Variants in TMEM132E observed in about 807,000 individuals in gnomAD.
TMEM132E encodes the protein transmembrane protein 132E.
In TMEM132E, 49 loss-of-function variants were observed where a neutral mutation model predicts 78.5. The observed-to-expected ratio is 0.62, with a 90% CI of 0.50 to 0.79. TMEM132E has a LOEUF of 0.79. TMEM132E is among the 30% of genes least tolerant of loss of function. The probability of loss-of-function intolerance (pLI) is 0.00; values close to 1 mark genes in which losing one functional copy is unlikely to be tolerated. For synonymous variants in TMEM132E, 715 were observed against 670.6 expected, an observed-to-expected ratio of 1.07 and a Z score of -1.02; for missense variants, 1,403 against 1,470.9, an observed-to-expected ratio of 0.95 and a Z score of 0.75.
At position 34,636,210 on chromosome 17, in the gene TMEM132E, C is replaced by T. The variant is rs1907517918; in HGVS notation, c.2169+12C>T. The T allele has an allele frequency of 1.4e-6, 2 of 1,460,026 alleles. No individual in the cohort carries two copies. Among genetic ancestry groups the T allele is most frequent in the African/African-American group, 1.5e-5 (1 of 68,602 alleles). The allele number at this position is 1,460,026 out of a possible 1,614,324, so 90.4% of individuals were successfully genotyped here. ...GCTTCCTCAAGCAGGTAACTGGCTC[C>T]TTGGCCCACCAGCCAGGGAGTTGGT... On this transcript the variant is annotated intron_variant, in intron 8 of 8. Coordinates refer to ENST00000631683, the MANE Select transcript of TMEM132E (RefSeq NM_001304438.2).
intron 8 of TMEM132E, 68 bp from the exon 9 acceptor site, chr17:34,637,109 A>G: frequency 1.4e-6 from 2 of 1,422,346 alleles, no homozygotes; most frequent in Non-Finnish European, 1.9e-6. Context: ...TACAGAGCCC[A>G]GGATCTAGCA....
chr17:34,629,233 A>C (rs1412108368), intron 4 of TMEM132E, 29 bp downstream of exon 4: 4 of 1,609,212 alleles, frequency 2.5e-6, no homozygotes. Context: ...AGCCCAGAAG[A>C]TGCCTGGGTC....
At chr17:34,611,284 T>C (rs1037773789) in intron 1 of TMEM132E, among the ~76,000 whole-genome samples, 3 of 152,040 alleles carry the variant, frequency 2.0e-5, no homozygotes, top group Non-Finnish European at 4.4e-5. Context: ...AAGGAAACAC[T>C]TGTGGAAAAG....
chr17:34,594,258 C>A (rs1284630460), intron 1 of TMEM132E, among the ~76,000 whole-genome samples: 2 of 152,304 alleles, frequency 1.3e-5, no homozygotes, highest in East Asian at 1.9e-4. Flanking sequence ...AATGAATGAA[C>A]CTGGGAGCCT....
intron 1 of TMEM132E, among the ~76,000 whole-genome samples, chr17:34,601,046 C>T (rs908387618): frequency 1.2e-4 from 19 of 152,212 alleles, no homozygotes; most frequent in Non-Finnish European, 2.1e-4. Context: ...GCCTTCCTGC[C>T]TTCTCACAGT....
rs1453389888 is a variant in TMEM132E at position 34,638,578 on chromosome 17, G to A, written c.*346G>A. On this transcript the variant is annotated 3_prime_UTR_variant, in exon 9 of 9. Transcript: ENST00000631683. ...AAGGAGGTCCAGCTTGGGGTCAGGT[G>A]GGCCCACGCTGTGTCCCGGGCCCGC... 4 of 238,500 alleles carry A rather than the reference G, an allele frequency of 1.7e-5. No individual in the cohort carries two copies. The highest frequency in any genetic ancestry group is 1.6e-5 in the Non-Finnish European group (2 of 123,716). 14.8% of individuals were successfully genotyped at this position (238,500 alleles called of 1,614,324 possible).
rs753387690 is a variant in TMEM132E, at chr17:34,636,164, C to T, written c.2135C>T (p.Thr712Ile). ...AGCAGCCACACCATCCTAGCCACCACAGCTGCCCAACAGACCTTGAGCTTC... is the reference window on the plus strand; with the variant it reads ...AGCAGCCACACCATCCTAGCCACCATAGCTGCCCAACAGACCTTGAGCTTC... ...PGSSHTILAT[T>I]AAQQTLSFLK... The change falls in exon 8 of 9, where the codon ACA (threonine) becomes ATA (isoleucine). Residue 712 changes from threonine (T) to isoleucine (I), a missense_variant. Around this residue, in one of 3 missense-constraint regions of TMEM132E, gnomAD observed 888 missense variants for 952.8 expected, o/e 0.93. Coordinates refer to ENST00000631683, the MANE Select transcript of TMEM132E (RefSeq NM_001304438.2). 2.6e-6 allele frequency: 4 copies of T among 1,552,406 alleles called. No individual in the cohort carries two copies. In the Admixed American group the frequency reaches 8.2e-5, roughly 32 times the overall value.
At chr17:34,629,963 C>A in intron 4 of TMEM132E, 45 bp from the exon 5 acceptor site, 1 of 1,564,862 alleles carries the variant, frequency 6.4e-7, no homozygotes, top group Non-Finnish European at 8.7e-7. Flanking sequence ...TGTCCCAGGA[C>A]AGAAGGGGAC....
At chr17:34,586,452 C>T (rs2142048883) in intron 1 of TMEM132E, among the ~76,000 whole-genome samples, 1 of 152,184 alleles carries the variant, frequency 6.6e-6, no homozygotes, top group South Asian at 2.1e-4. Flanking sequence ...CACCAACACT[C>T]AGCTAGCTAC....
chr17:34,632,700 C>T lies in TMEM132E; in HGVS notation c.1483-4C>T. 1 of 1,614,122 alleles carries T rather than the reference C, an allele frequency of 6.2e-7. No homozygotes were observed. The highest frequency in any genetic ancestry group is 8.5e-7 in the Non-Finnish European group (1 of 1,180,008). On this transcript the variant is annotated splice_polypyrimidine_tract_variant and splice_region_variant and intron_variant, in intron 5 of 8. Coordinates refer to ENST00000631683, the MANE Select transcript of TMEM132E (RefSeq NM_001304438.2). ...ATGTGCCAACTGTTCCTCCCTTCCC[C>T]CAGGTATCCAGCAGCTGTGACTACG...
intron 1 of TMEM132E, among the ~76,000 whole-genome samples, chr17:34,593,836 C>T (rs964830021): frequency 1.3e-5 from 2 of 152,258 alleles, no homozygotes; most frequent in African/African-American, 4.8e-5. Flanking sequence ...GTAGCTCATA[C>T]CACCAGCATG....
At chr17:34,590,575 T>C (rs1331915823) in intron 1 of TMEM132E, among the ~76,000 whole-genome samples, 2 of 152,070 alleles carry the variant, frequency 1.3e-5, no homozygotes, top group African/African-American at 4.8e-5. Context: ...AGCCAGCATC[T>C]ACTGTTTGTC....
Position 34,580,966 on chromosome 17 carries a change from G to A in TMEM132E, c.-111G>A, listed in dbSNP as rs1346368457. The A allele has an allele frequency of 1.2e-6, 1 of 823,868 alleles. No individual in the cohort carries two copies. The allele number at this position is 823,868 out of a possible 1,614,324, so 51.0% of individuals were successfully genotyped here. A position where few individuals can be genotyped will look rare whatever the true frequency, so the allele number is the denominator to read the frequency against. On this transcript the variant is annotated 5_prime_UTR_variant, in exon 1 of 9. Transcript: ENST00000631683. ...ACTCTCTGGTCCCGGAGCTGCATCT[G>A]AGACAGCCGGGCGCCACGGCAGCCC...
rs1266533073 is a variant in TMEM132E at position 34,580,535 on chromosome 17, T to C, written c.-542T>C. 1 of 152,568 alleles carries C rather than the reference T, an allele frequency of 6.6e-6. No homozygotes were observed. The highest frequency in any genetic ancestry group is 2.4e-5 in the African/African-American group (1 of 41,488). The allele number at this position is 152,568 out of a possible 1,614,324, so 9.5% of individuals were successfully genotyped here. A position where few individuals can be genotyped will look rare whatever the true frequency, so the allele number is the denominator to read the frequency against. On this transcript the variant is annotated 5_prime_UTR_variant, in exon 1 of 9. Transcript: ENST00000631683. Reference sequence around the variant, plus strand: ...GGATTAAAGTTGTCTGGATTTTCTCTTTCTTTGAGAAAGACAGCATTCATT... The same window carrying C: ...GGATTAAAGTTGTCTGGATTTTCTCCTTCTTTGAGAAAGACAGCATTCATT...
chr17:34,588,783 C>T (rs546923982), intron 1 of TMEM132E, among the ~76,000 whole-genome samples: 2 of 152,230 alleles, frequency 1.3e-5, no homozygotes, highest in Admixed American at 1.3e-4. Context: ...ACTCTGTCAC[C>T]CTGGTTGTCA....
At chr17:34,622,647 A>G (rs929416416) in intron 1 of TMEM132E, among the ~76,000 whole-genome samples, 3 of 152,130 alleles carry the variant, frequency 2.0e-5, no homozygotes, top group African/African-American at 7.2e-5. Flanking sequence ...TTGACAAGGA[A>G]CTCATTACCC....
chr17:34,613,197 C>CCCA lies in TMEM132E; in HGVS notation c.68-12929_68-12928insCAC, dbSNP rs1906657191. Among the ~76,000 whole-genome samples, 37 of 131,140 alleles carry CCCA rather than the reference C, an allele frequency of 2.8e-4. No homozygotes were observed. In the South Asian group the frequency reaches 6.9e-3, roughly 24 times the overall value. 86.0% of individuals were successfully genotyped at this position (131,140 alleles called of 152,430 possible). ...TCTACACACACACACACACACACAC[C>CCCA]CACACACACACACACGCGCGCGCGC... On this transcript the variant is annotated intron_variant, in intron 1 of 8. Coordinates refer to ENST00000631683, the MANE Select transcript of TMEM132E (RefSeq NM_001304438.2).
At position 34,635,066 on chromosome 17, in the gene TMEM132E, G is replaced by A. The variant is rs776173332; in HGVS notation, c.1956G>A (p.Glu652=). 3 of 1,613,438 alleles carry A rather than the reference G, an allele frequency of 1.9e-6. No homozygotes were observed. The East Asian group carries it at 6.7e-5, about 36-fold the overall frequency. The change falls in exon 7 of 9, where the codon GAG becomes GAA. Residue 652 remains glutamate, a synonymous_variant. Transcript: ENST00000631683. The stretch of plus-strand genomic sequence containing the variant: ...ACAGCAGCACGCTGGCAGGACTGGA[G>A]CCAGGCACCACCCCCTTTAAGGTAG... ...MVDSSTLAGL[E]PGTTPFKVVS...
At chr17:34,595,118 T>C (rs1293131342) in intron 1 of TMEM132E, among the ~76,000 whole-genome samples, 1 of 152,226 alleles carries the variant, frequency 6.6e-6, no homozygotes, top group African/African-American at 2.4e-5. Context: ...TGTGAACTGA[T>C]GAGTTGAGCT....
Sources: allele counts gnomAD v4.1 joint callset (sites outside exome capture counted in the v4.1 genomes callset), GRCh38; gene constraint gnomAD v4.1.1; regional missense constraint gnomAD v4.1.1; transcripts MANE v1.5; gene names NCBI Gene and HGNC (gene_info 2026-07-23, HGNC 2026-07-21).